Variants in MYBL2 observed in about 807,000 individuals in gnomAD.
The protein encoded by MYBL2 is myb-related protein B.
In MYBL2, 28 loss-of-function variants were observed where a neutral mutation model predicts 79.9. The ratio of observed to expected loss-of-function variants is 0.35; its 90% CI spans 0.26 to 0.48. The LOEUF (loss-of-function observed/expected upper bound fraction) is 0.48. Ranked by LOEUF, MYBL2 falls within the 20% of genes least tolerant of loss-of-function variation. MYBL2 has a pLI of 0.99. For synonymous variants in MYBL2, 378 were observed against 361.2 expected (o/e 1.05, Z -0.53); for missense variants, 735 against 893.9 (o/e 0.82, Z 2.27).
At chr20:43,671,918 T>C (rs1480581116) in intron 1 of MYBL2, among the ~76,000 whole-genome samples, 1 of 151,606 alleles carries the variant, frequency 6.6e-6, no homozygotes, top group Non-Finnish European at 1.5e-5. Flanking sequence ...TTAGAAGATA[T>C]TGTACACTGG....
intron 2 of MYBL2, 63 bp from the exon 3 acceptor site, chr20:43,681,721 C>T (rs760272693): frequency 4.0e-5 from 62 of 1,548,514 alleles, no homozygotes; most frequent in South Asian, 1.1e-4. Context: ...GGCTCTGTCA[C>T]GGGCAGCCCT....
intron 9 of MYBL2, among the ~76,000 whole-genome samples, chr20:43,708,847 C>G (rs185458834): frequency 1.5e-3 from 229 of 152,290 alleles, no homozygotes; most frequent in African/African-American, 5.3e-3. Context: ...TCAGATTCAC[C>G]TCTGTGAATT....
chr20:43,714,053 C>A (rs1254638084), intron 12 of MYBL2, among the ~76,000 whole-genome samples: 1 of 152,104 alleles, frequency 6.6e-6, no homozygotes, highest in Non-Finnish European at 1.5e-5. Flanking sequence ...GACCTGCAGC[C>A]AGGTTACTGC....
At chr20:43,704,479 C>T (rs758432614) in intron 8 of MYBL2, among the ~76,000 whole-genome samples, 72 of 152,220 alleles carry the variant, frequency 4.7e-4, no homozygotes, top group Non-Finnish European at 8.4e-4. Flanking sequence ...GCGGGTCCCT[C>T]AGCTACTATT....
At chr20:43,668,096 T>A (rs73274386) in intron 1 of MYBL2, among the ~76,000 whole-genome samples, 4,566 of 151,952 alleles carry the variant, frequency 0.03, 237 homozygotes, top group African/African-American at 0.095. Flanking sequence ...GCCTGGGGCC[T>A]GAGCTCCAAG....
intron 3 of MYBL2, among the ~76,000 whole-genome samples, chr20:43,682,215 A>G (rs1181949815): frequency 1.3e-5 from 2 of 150,202 alleles, no homozygotes. Context: ...AGCAGGCTTC[A>G]TGGTGAGGCC....
At chr20:43,681,078 C>T (rs569795105) in intron 2 of MYBL2, among the ~76,000 whole-genome samples, 3 of 152,290 alleles carry the variant, frequency 2.0e-5, no homozygotes, top group Admixed American at 1.3e-4. Flanking sequence ...TTTCACACAT[C>T]ATAGTGACAC....
chr20:43,681,919 G>A (rs1987154102), intron 3 of MYBL2, 64 bp downstream of exon 3: 8 of 1,562,242 alleles, frequency 5.1e-6, no homozygotes, highest in Non-Finnish European at 7.0e-6. Context: ...GTGTGCCTGG[G>A]ACAGACTTTG....
chr20:43,674,909 G>C (rs372666429), intron 2 of MYBL2, among the ~76,000 whole-genome samples: 49 of 152,208 alleles, frequency 3.2e-4, no homozygotes, highest in African/African-American at 1.1e-3. Flanking sequence ...TTTCCTTCTA[G>C]CTCCATCTTT....
At chr20:43,681,520 G>A (rs1161152033) in intron 2 of MYBL2, among the ~76,000 whole-genome samples, 1 of 152,134 alleles carries the variant, frequency 6.6e-6, no homozygotes, top group African/African-American at 2.4e-5. Flanking sequence ...CAGTCACCAC[G>A]TACCTCTCCA....
intron 6 of MYBL2, among the ~76,000 whole-genome samples, chr20:43,699,193 C>T (rs571946417): frequency 6.6e-6 from 1 of 151,938 alleles, no homozygotes; most frequent in Non-Finnish European, 1.5e-5. Flanking sequence ...TGCCTGCCAC[C>T]ACACCTGGCT....
intron 6 of MYBL2, among the ~76,000 whole-genome samples, chr20:43,693,841 A>G (rs897972677): frequency 6.6e-6 from 1 of 152,006 alleles, no homozygotes; most frequent in African/African-American, 2.4e-5. Context: ...TCTTGAGCCC[A>G]GGAGTTTAAG....
At chr20:43,709,617 G>A (rs1459757141) in intron 9 of MYBL2, among the ~76,000 whole-genome samples, 1 of 152,186 alleles carries the variant, frequency 6.6e-6, no homozygotes, top group Non-Finnish European at 1.5e-5. Context: ...AGCTGGGCAG[G>A]ATGGGATCTT....
At chr20:43,674,536 C>T (rs185379161) in intron 2 of MYBL2, among the ~76,000 whole-genome samples, 11 of 151,830 alleles carry the variant, frequency 7.2e-5, no homozygotes, top group African/African-American at 2.2e-4. Flanking sequence ...TGCAGGCATG[C>T]GCCACCATGC....
rs148196369 is a variant in MYBL2, at chr20:43,679,727, T to C, written c.115-2057T>C. Among the ~76,000 whole-genome samples, 491 of 152,126 alleles carry C rather than the reference T, an allele frequency of 3.2e-3. 7 individuals are homozygous for C. Among genetic ancestry groups the C allele is most frequent in the Admixed American group, 0.02 (302 of 15,268 alleles). Reference sequence around the variant, plus strand: ...GCAGTCTAGACCAGCCTGAAGAACATGTGAGATCCTGTCTCTACAACAAAA... The same window carrying C: ...GCAGTCTAGACCAGCCTGAAGAACACGTGAGATCCTGTCTCTACAACAAAA... On this transcript the variant is annotated intron_variant, in intron 2 of 13. Coordinates refer to ENST00000217026, the MANE Select transcript of MYBL2 (RefSeq NM_002466.4).
chr20:43,673,173 G>A (rs1055329884), intron 1 of MYBL2, among the ~76,000 whole-genome samples: 2 of 150,656 alleles, frequency 1.3e-5, no homozygotes, highest in African/African-American at 4.9e-5. Flanking sequence ...TTGAACTCCT[G>A]ACCTCAAGCA....
chr20:43,712,927 G>A (rs779680704), intron 11 of MYBL2, 75 bp from the exon 12 acceptor site: 136 of 1,187,758 alleles, frequency 1.1e-4, no homozygotes, highest in Non-Finnish European at 1.5e-4. Flanking sequence ...ACCATCCATG[G>A]CCATGACCAT....
At chr20:43,671,133 T>C (rs1986844554) in intron 1 of MYBL2, among the ~76,000 whole-genome samples, 1 of 151,852 alleles carries the variant, frequency 6.6e-6, no homozygotes, top group Non-Finnish European at 1.5e-5. Context: ...CATGCCCAGC[T>C]AATTTTTGTG....
chr20:43,711,088 C>T (rs1281688085), intron 10 of MYBL2, among the ~76,000 whole-genome samples: 1 of 152,192 alleles, frequency 6.6e-6, no homozygotes, highest in East Asian at 1.9e-4. Flanking sequence ...GGTTTGAGAG[C>T]CCCCATTAGT....
Sources: allele counts gnomAD v4.1 joint callset (sites outside exome capture counted in the v4.1 genomes callset), GRCh38; gene constraint gnomAD v4.1.1; transcripts MANE v1.5; gene names NCBI Gene and HGNC (gene_info 2026-07-23, HGNC 2026-07-21).